BAALC: variants seen among roughly 807,000 people sequenced by gnomAD.
BAALC encodes the protein brain and acute leukemia cytoplasmic protein.
Under a neutral mutation model 15.5 loss-of-function variants are expected in BAALC, and 9 were observed. The observed-to-expected ratio is 0.58, with a 90% CI of 0.35 to 1.02. The LOEUF (loss-of-function observed/expected upper bound fraction) is 1.02. Among genes scored for constraint, BAALC ranks in the 50% least tolerant of loss-of-function variants. BAALC has a pLI of 0.02. For missense variants in BAALC, 201 were observed against 192.4 expected (o/e 1.04, Z -0.27); for synonymous variants, 80 against 74.6 (o/e 1.07, Z -0.37).
intron 2 of BAALC, among the ~76,000 whole-genome samples, chr8:103,219,940 G>C (rs1812641662): frequency 6.6e-6 from 1 of 152,208 alleles, no homozygotes; most frequent in Non-Finnish European, 1.5e-5. Flanking sequence ...CAACGTGCCA[G>C]ACACACTATG....
rs1395461777 is a variant in BAALC at position 103,140,976 on chromosome 8, T to C, written c.79T>C (p.Trp27Arg). 2 of 1,540,196 alleles carry C rather than the reference T, an allele frequency of 1.3e-6. No homozygotes were observed. The highest frequency in any genetic ancestry group is 1.4e-5 in the African/African-American group (1 of 70,348). The stretch of plus-strand genomic sequence containing the variant: ...CTGGACCCGGGAGACAGAATCCACC[T>C]GGCTCACCTACACCGACTCGGACGC... Reference protein sequence around the residue: ...ESWTRETESTWLTYTDSDAPP... With the variant: ...ESWTRETESTRLTYTDSDAPP... Residue 27 changes from tryptophan (W) to arginine (R), a missense_variant, in exon 1 of 3, where the codon TGG becomes CGG. Trp to Arg is a moderately radical substitution (Grantham distance 101). Coordinates refer to ENST00000309982, the MANE Select transcript of BAALC (RefSeq NM_024812.3). This position sits in a 1 kb window ranked among gnomAD's most constrained non-coding sequence, Gnocchi z 4.2.
At chr8:103,224,133 G>A (rs963510751) in intron 2 of BAALC, among the ~76,000 whole-genome samples, 1 of 152,112 alleles carries the variant, frequency 6.6e-6, no homozygotes, top group Non-Finnish European at 1.5e-5. Flanking sequence ...GTGTGTGTGT[G>A]TGTGTTTAGC....
At chr8:103,214,054 T>C (rs1240916048) in intron 2 of BAALC, among the ~76,000 whole-genome samples, 2 of 152,122 alleles carry the variant, frequency 1.3e-5, no homozygotes, top group African/African-American at 2.4e-5. Context: ...GGAAAGATGA[T>C]TGGCAGTGGG....
intron 2 of BAALC, among the ~76,000 whole-genome samples, chr8:103,225,339 G>A (rs1390355580): frequency 6.6e-6 from 1 of 152,176 alleles, no homozygotes; most frequent in Non-Finnish European, 1.5e-5. Context: ...AAATAGATAA[G>A]ACTAAAATTA....
At chr8:103,176,956 G>A (rs1248431369) in intron 1 of BAALC, among the ~76,000 whole-genome samples, 1 of 152,088 alleles carries the variant, frequency 6.6e-6, no homozygotes, top group Non-Finnish European at 1.5e-5. Context: ...TGAGCTGGTG[G>A]GTACTTGTTT....
At chr8:103,157,942 A>G (rs560552539) in intron 1 of BAALC, among the ~76,000 whole-genome samples, 3 of 152,368 alleles carry the variant, frequency 2.0e-5, no homozygotes, top group East Asian at 1.9e-4. Flanking sequence ...CCATTATCAC[A>G]TCTAAAATTA....
chr8:103,226,334 C>T (rs1182884647), intron 2 of BAALC, among the ~76,000 whole-genome samples: 2 of 152,234 alleles, frequency 1.3e-5, no homozygotes, highest in South Asian at 2.1e-4. Context: ...AATGGTCAGA[C>T]CTTTATGCCC....
intron 1 of BAALC, among the ~76,000 whole-genome samples, chr8:103,195,408 C>T (rs1278863025): frequency 6.6e-6 from 1 of 152,200 alleles, no homozygotes; most frequent in African/African-American, 2.4e-5. Flanking sequence ...GCACAAACCC[C>T]TAAATGGCAA....
At chr8:103,213,125 T>G (rs1239420105) in intron 2 of BAALC, 40 bp downstream of exon 2, 4 of 1,603,754 alleles carry the variant, frequency 2.5e-6, no homozygotes, top group African/African-American at 2.7e-5. Flanking sequence ...GACTGGAGAA[T>G]GGGGGTAGGG....
intron 1 of BAALC, among the ~76,000 whole-genome samples, chr8:103,191,936 T>C (rs531662004): frequency 6.6e-6 from 1 of 152,284 alleles, no homozygotes; most frequent in East Asian, 1.9e-4. Flanking sequence ...CAAAATCAAA[T>C]CAGCCCACTT....
intron 1 of BAALC, among the ~76,000 whole-genome samples, chr8:103,159,392 C>T (rs142550221): frequency 5.9e-5 from 9 of 152,296 alleles, no homozygotes; most frequent in Non-Finnish European, 1.2e-4. Context: ...ACATTTATTA[C>T]TTGGAATTCT....
intron 2 of BAALC, among the ~76,000 whole-genome samples, chr8:103,216,343 T>G (rs1812554998): frequency 6.6e-6 from 1 of 152,208 alleles, no homozygotes; most frequent in African/African-American, 2.4e-5. Flanking sequence ...ACAAATAGTT[T>G]TCCAAAGTGG....
chr8:103,183,192 G>A (rs1483874666), intron 1 of BAALC, among the ~76,000 whole-genome samples: 1 of 152,228 alleles, frequency 6.6e-6, no homozygotes, highest in Admixed American at 6.5e-5. Flanking sequence ...CATAGGAAAT[G>A]AGGTCTGCCA....
At chr8:103,149,746 C>T (rs1483908327) in intron 1 of BAALC, among the ~76,000 whole-genome samples, 1 of 152,140 alleles carries the variant, frequency 6.6e-6, no homozygotes, top group Admixed American at 6.5e-5. Context: ...GGGGAAAGGT[C>T]ATGGAGAAGT....
intron 1 of BAALC, among the ~76,000 whole-genome samples, chr8:103,149,018 C>T (rs1343477229): frequency 6.6e-6 from 1 of 152,158 alleles, no homozygotes; most frequent in Non-Finnish European, 1.5e-5. Context: ...TCATCACTTG[C>T]CAGATGAGGA....
intron 1 of BAALC, among the ~76,000 whole-genome samples, chr8:103,147,579 G>A (rs1810903677): frequency 6.6e-6 from 1 of 151,942 alleles, no homozygotes; most frequent in Non-Finnish European, 1.5e-5. Context: ...CCTCAGGTTT[G>A]GACTCCTGGA....
chr8:103,178,112 AC>A (rs1354571043), intron 1 of BAALC, among the ~76,000 whole-genome samples: 2 of 152,216 alleles, frequency 1.3e-5, no homozygotes, highest in African/African-American at 4.8e-5. Flanking sequence ...AAAGCAGAGG[AC>A]TATATCAAAG....
chr8:103,216,784 G>A (rs1261999012), intron 2 of BAALC, among the ~76,000 whole-genome samples: 2 of 152,224 alleles, frequency 1.3e-5, no homozygotes, highest in African/African-American at 4.8e-5. Flanking sequence ...CCACTACCAA[G>A]TATTTATTCA....
At chr8:103,202,059 G>A (rs1215818372) in intron 1 of BAALC, among the ~76,000 whole-genome samples, 2 of 152,146 alleles carry the variant, frequency 1.3e-5, no homozygotes, top group African/African-American at 2.4e-5. Context: ...ATAAGATTAT[G>A]AGTAATTTTG....
Sources: gnomAD v4.1 joint callset for allele counts (sites outside exome capture counted in the v4.1 genomes callset) on GRCh38, gnomAD v4.1.1 for gene constraint, Gnocchi (gnomAD v3.1) non-coding constraint, MANE v1.5 for transcripts, NCBI Gene and HGNC (gene_info 2026-07-23, HGNC 2026-07-21) for gene names.